EMC10: variants seen among roughly 807,000 people sequenced by gnomAD.
EMC10 encodes ER membrane protein complex subunit 10, also known as UPF0510 protein INM02.
In EMC10, 40 loss-of-function variants were observed where a neutral mutation model predicts 32.2. That is an observed-to-expected ratio of 1.24 (90% CI 0.96 to 1.61). The LOEUF is 1.61. Among genes scored for constraint, EMC10 ranks in the 40% most tolerant of loss-of-function variants. EMC10 has a pLI of 0.00. For missense variants in EMC10, 402 were observed against 357.7 expected (o/e 1.12, Z -1.00); for synonymous variants, 178 against 158.4 (o/e 1.12, Z -0.93).
rs1286543221 is a variant in EMC10, at chr19:50,482,393, G to T, written c.*134G>T. On this transcript the variant is annotated 3_prime_UTR_variant, in exon 7 of 7. Transcript: ENST00000334976. Reference sequence around the variant, plus strand: ...CCCCCCGTCCCACGAGGCCACCTGGGCCAGCCCCTTGTCCTCTGCCTTCTG... The same window carrying T: ...CCCCCCGTCCCACGAGGCCACCTGGTCCAGCCCCTTGTCCTCTGCCTTCTG... 6.6e-6 allele frequency: 4 copies of T among 608,548 alleles called. No homozygotes were observed. The African/African-American group carries it at 7.4e-5, about 11-fold the overall frequency. 37.7% of individuals were successfully genotyped at this position (608,548 alleles called of 1,614,324 possible).
At position 50,480,272 on chromosome 19, in the gene EMC10, T is replaced by C. The variant is rs960972987; in HGVS notation, c.402+57T>C. On this transcript the variant is annotated intron_variant, in intron 4 of 6. Coordinates refer to ENST00000334976, the MANE Select transcript of EMC10 (RefSeq NM_206538.4). The surrounding 1 kb of genome is among the most constrained non-coding windows in gnomAD (Gnocchi z 4.4). ...CCCTCGTCCTCCTCATCCCCTACCC[T>C]GGTCCTGCTTCCACCATTCGAACCC... 1.2e-5 allele frequency: 18 copies of C among 1,503,528 alleles called. No homozygotes were observed. The African/African-American group carries it at 1.6e-4, about 14-fold the overall frequency. 93.1% of individuals were successfully genotyped at this position (1,503,528 alleles called of 1,614,324 possible). A position where few individuals can be genotyped will look rare whatever the true frequency, so the allele number is the denominator to read the frequency against.
chr19:50,485,081 C>T lies in EMC10; in HGVS notation c.*2822C>T, dbSNP rs776202719. The T allele has an allele frequency of 6.6e-6, 1 of 152,172 alleles. No homozygotes were observed. The highest frequency in any genetic ancestry group is 1.5e-5 in the Non-Finnish European group (1 of 68,042). The allele number at this position is 152,172 out of a possible 1,614,324, so 9.4% of individuals were successfully genotyped here. On this transcript the variant is annotated 3_prime_UTR_variant, in exon 7 of 7. Transcript: ENST00000334976. Reference sequence around the variant, plus strand: ...TATAAGGTGCCATCTTATTCCATCTCTGGTGTAAGAGTGTGTTGCTGGATT... The same window carrying T: ...TATAAGGTGCCATCTTATTCCATCTTTGGTGTAAGAGTGTGTTGCTGGATT...
intron 1 of EMC10, 38 bp from the exon 2 acceptor site, chr19:50,477,890 TG>T: frequency 6.4e-7 from 1 of 1,562,554 alleles, no homozygotes; most frequent in Non-Finnish European, 8.7e-7. Flanking sequence ...GCTGAGGGCT[TG>T]GGTGGTCCTC....
intron 3 of EMC10, among the ~76,000 whole-genome samples, chr19:50,479,268 G>A (rs116071188): frequency 6.6e-6 from 1 of 152,214 alleles, no homozygotes; most frequent in Non-Finnish European, 1.5e-5. Flanking sequence ...CGCCAGGCAT[G>A]GTGTCCTGCA....
Position 50,483,072 on chromosome 19 carries a change from C to CG in EMC10, c.*816dup. On this transcript the variant is annotated 3_prime_UTR_variant, in exon 7 of 7. Transcript: ENST00000334976. ...TGGACTGCGGTGCTACGAGGGCCTG[C>CG]GGGCCTTTGCTGTGTGCCACCCTCC... is the stretch of plus-strand genomic sequence containing the variant. 1 of 514,012 alleles carries CG rather than the reference C, an allele frequency of 1.9e-6. No homozygotes were observed. The highest frequency in any genetic ancestry group is 1.5e-5 in the South Asian group (1 of 65,050). The allele number at this position is 514,012 out of a possible 1,614,324, so 31.8% of individuals were successfully genotyped here. A position where few individuals can be genotyped will look rare whatever the true frequency, so the allele number is the denominator to read the frequency against.
chr19:50,479,458 G>A (rs570515596), intron 3 of EMC10, among the ~76,000 whole-genome samples: 2 of 152,172 alleles, frequency 1.3e-5, no homozygotes, highest in Admixed American at 6.5e-5. Context: ...CACTTCTGTC[G>A]CCCTGTGTTG....
chr19:50,480,784 G>A lies in EMC10; in HGVS notation c.584+22G>A, dbSNP rs759210461. ...CAGGGTGAGCCTCTGCTGCCTTCGC[G>A]GCGCTCTTGCCACCTGCCCCGGCCC... is the stretch of plus-strand genomic sequence containing the variant. On this transcript the variant is annotated intron_variant, in intron 5 of 6. Transcript: ENST00000334976. The surrounding 1 kb of genome is among the most constrained non-coding windows in gnomAD (Gnocchi z 4.4). The A allele has an allele frequency of 7.6e-6, 12 of 1,571,690 alleles. No individual in the cohort carries two copies. Among genetic ancestry groups the A allele is most frequent in the East Asian group, 4.5e-5 (2 of 44,120 alleles).
chr19:50,485,997 T>C lies in EMC10; in HGVS notation c.*3738T>C, dbSNP rs1055784925. The C allele has an allele frequency of 6.6e-6, 1 of 152,148 alleles. No homozygotes were observed. The highest frequency in any genetic ancestry group is 1.5e-5 in the Non-Finnish European group (1 of 68,026). The allele number at this position is 152,148 out of a possible 1,614,324, so 9.4% of individuals were successfully genotyped here. ...CATTTCCTGCCACCAGAAAATGTTA[T>C]CGGCTGCGTGGCATTGCGAAAGCCT... On this transcript the variant is annotated 3_prime_UTR_variant, in exon 7 of 7. Transcript: ENST00000334976.
In EMC10 at chr19:50,483,712, C is replaced by G. The variant is rs1168613990; in HGVS notation, c.*1453C>G. The G allele has an allele frequency of 6.6e-6, 1 of 152,390 alleles. No homozygotes were observed. Among genetic ancestry groups the G allele is most frequent in the Non-Finnish European group, 1.5e-5 (1 of 68,196 alleles). 9.4% of individuals were successfully genotyped at this position (152,390 alleles called of 1,614,324 possible). Reference sequence around the variant, plus strand: ...GAGTAGCTGGAATTGTAGGCGTGCACCACCACGCGCAGCTAGTTTTTGTAT... The same window carrying G: ...GAGTAGCTGGAATTGTAGGCGTGCAGCACCACGCGCAGCTAGTTTTTGTAT... On this transcript the variant is annotated 3_prime_UTR_variant, in exon 7 of 7. Coordinates refer to ENST00000334976, the MANE Select transcript of EMC10 (RefSeq NM_206538.4).
chr19:50,480,614 C>G lies in EMC10; in HGVS notation c.436C>G (p.Leu146Val). Residue 146 changes from leucine to valine, a missense_variant, in exon 5 of 7, where the codon CTG becomes GTG. Leu to Val is a conservative substitution (Grantham distance 32). Coordinates refer to ENST00000334976, the MANE Select transcript of EMC10 (RefSeq NM_206538.4). The surrounding 1 kb of genome is among the most constrained non-coding windows in gnomAD (Gnocchi z 4.4). ...SLVESHLSDQLTLHVDVAGNV... is the reference protein window; with the variant it reads ...SLVESHLSDQVTLHVDVAGNV... ...GGTGGAGTCGCACCTGTCGGACCAG[C>G]TGACCCTGCACGTGGATGTGGCCGG... is the stretch of plus-strand genomic sequence containing the variant. The G allele has an allele frequency of 1.3e-6, 2 of 1,570,676 alleles. No homozygotes were observed. The highest frequency in any genetic ancestry group is 1.7e-6 in the Non-Finnish European group (2 of 1,158,290).
In EMC10 at chr19:50,486,909, C is replaced by T. The variant is rs1334303968; in HGVS notation, c.*4650C>T. 5 of 151,880 alleles carry T rather than the reference C, an allele frequency of 3.3e-5. No individual in the cohort carries two copies. The highest frequency in any genetic ancestry group is 7.4e-5 in the Non-Finnish European group (5 of 68,020). 9.4% of individuals were successfully genotyped at this position (151,880 alleles called of 1,614,324 possible). ...TCTCCCCTCCTTCCACCCAGTATCC[C>T]CTGTTCCTCCCCCAGGCATTCTGGT... On this transcript the variant is annotated 3_prime_UTR_variant, in exon 7 of 7. Coordinates refer to ENST00000334976, the MANE Select transcript of EMC10 (RefSeq NM_206538.4).
In EMC10 at chr19:50,488,346, A is replaced by G; in HGVS notation, c.*6087A>G. ...AAAGATGGCCAGAGCAGGAGGGGAG[A>G]GAGGAAGAGGGAGAAAGAAGGAAAC... On this transcript the variant is annotated 3_prime_UTR_variant, in exon 7 of 7. Coordinates refer to ENST00000334976, the MANE Select transcript of EMC10 (RefSeq NM_206538.4). The G allele has an allele frequency of 7.0e-6, 1 of 142,022 alleles. No homozygotes were observed. Among genetic ancestry groups the G allele is most frequent in the African/African-American group, 2.6e-5 (1 of 38,772 alleles). The allele number at this position is 142,022 out of a possible 1,614,324, so 8.8% of individuals were successfully genotyped here. A position where few individuals can be genotyped will look rare whatever the true frequency, so the allele number is the denominator to read the frequency against.
intron 1 of EMC10, among the ~76,000 whole-genome samples, chr19:50,477,570 G>A (rs905731653): frequency 6.6e-5 from 10 of 152,182 alleles, no homozygotes; most frequent in Admixed American, 3.3e-4. Context: ...CTATTGGGCT[G>A]TCAGGTGATA....
At position 50,485,073 on chromosome 19, in the gene EMC10, T is replaced by C. The variant is rs985735224; in HGVS notation, c.*2814T>C. ...ATCTCTGGTATAAGGTGCCATCTTATTCCATCTCTGGTGTAAGAGTGTGTT... is the reference window on the plus strand; with the variant it reads ...ATCTCTGGTATAAGGTGCCATCTTACTCCATCTCTGGTGTAAGAGTGTGTT... On this transcript the variant is annotated 3_prime_UTR_variant, in exon 7 of 7. Transcript: ENST00000334976. 4 of 152,216 alleles carry C rather than the reference T, an allele frequency of 2.6e-5. No homozygotes were observed. The highest frequency in any genetic ancestry group is 7.2e-5 in the African/African-American group (3 of 41,452). 9.4% of individuals were successfully genotyped at this position (152,216 alleles called of 1,614,324 possible).
Position 50,488,309 on chromosome 19 carries a change from A to AAG in EMC10, c.*6051_*6052insGA, listed in dbSNP as rs1407338317. On this transcript the variant is annotated 3_prime_UTR_variant, in exon 7 of 7. Transcript: ENST00000334976. ...AGACTCCGTCTCAAAAAAAAAAAAA[A>AAG]AAAAAAAAAGAAAAGATGGCCAGAG... The AAG allele has an allele frequency of 6.7e-6, 1 of 150,244 alleles. No homozygotes were observed. The highest frequency in any genetic ancestry group is 1.5e-5 in the Non-Finnish European group (1 of 67,900). The allele number at this position is 150,244 out of a possible 1,614,324, so 9.3% of individuals were successfully genotyped here.
At chr19:50,481,604 G>A (rs1409843465) in intron 6 of EMC10, 1 of 524,278 alleles carries the variant, frequency 1.9e-6, no homozygotes, top group Non-Finnish European at 3.3e-6. Flanking sequence ...GAAGAGGTCT[G>A]TGTGGCCCGA....
rs1271997005 is a variant in EMC10 at position 50,484,961 on chromosome 19, A to G, written c.*2702A>G. On this transcript the variant is annotated 3_prime_UTR_variant, in exon 7 of 7. Coordinates refer to ENST00000334976, the MANE Select transcript of EMC10 (RefSeq NM_206538.4). ...CCCTGGTATGCTGCAGATACTCTCC[A>G]CAGAAACAAGCAGATGCACATGTCA... 1 of 152,134 alleles carries G rather than the reference A, an allele frequency of 6.6e-6. No individual in the cohort carries two copies. The highest frequency in any genetic ancestry group is 1.5e-5 in the Non-Finnish European group (1 of 68,024). The allele number at this position is 152,134 out of a possible 1,614,324, so 9.4% of individuals were successfully genotyped here.
chr19:50,477,909 G>T lies in EMC10; in HGVS notation c.115-20G>T. Reference sequence around the variant, plus strand: ...AGGGCTTGGGTGGTCCTCACCTGGGGCCTTCTGTGTCCTCTGCAGGCTGGG... The same window carrying T: ...AGGGCTTGGGTGGTCCTCACCTGGGTCCTTCTGTGTCCTCTGCAGGCTGGG... On this transcript the variant is annotated intron_variant, in intron 1 of 6. Transcript: ENST00000334976. The T allele has an allele frequency of 5.7e-6, 9 of 1,592,276 alleles. No individual in the cohort carries two copies. The highest frequency in any genetic ancestry group is 7.7e-6 in the Non-Finnish European group (9 of 1,172,420).
intron 6 of EMC10, chr19:50,481,802 C>A: frequency 6.9e-7 from 1 of 1,454,806 alleles, no homozygotes; most frequent in Non-Finnish European, 9.2e-7. Context: ...CCACTCCCTG[C>A]TGGCCCTCAG....
Sources: gnomAD v4.1 joint callset for allele counts (sites outside exome capture counted in the v4.1 genomes callset) on GRCh38, gnomAD v4.1.1 for gene constraint, Gnocchi (gnomAD v3.1) non-coding constraint, MANE v1.5 for transcripts, NCBI Gene and HGNC (gene_info 2026-07-23, HGNC 2026-07-21) for gene names.